PCDHGB1: variants seen among roughly 807,000 people sequenced by gnomAD.
The protein encoded by PCDHGB1 is protocadherin gamma subfamily B, 1.
In PCDHGB1, 34 loss-of-function variants were observed where a neutral mutation model predicts 56.6. The observed-to-expected ratio is 0.60, with a 90% CI of 0.46 to 0.80. The LOEUF (loss-of-function observed/expected upper bound fraction) is 0.80. Among genes scored for constraint, PCDHGB1 ranks in the 30% least tolerant of loss-of-function variants. The pLI, the probability that PCDHGB1 is intolerant of heterozygous loss-of-function variation, is 0.00. For missense variants in PCDHGB1, 1,278 were observed against 1,204.6 expected, an observed-to-expected ratio of 1.06 and a Z score of -0.90; for synonymous variants, 561 against 505.9, an observed-to-expected ratio of 1.11 and a Z score of -1.46.
At chr5:141,397,756 A>AT (rs1283531463) in intron 1 of PCDHGB1, among the ~76,000 whole-genome samples, 1 of 152,210 alleles carries the variant, frequency 6.6e-6, no homozygotes, top group Admixed American at 6.5e-5. Context: ...AGTTGTTATA[A>AT]TTTTTTATTA....
At chr5:141,474,557 G>T (rs1261720500) in intron 1 of PCDHGB1, among the ~76,000 whole-genome samples, 2 of 152,184 alleles carry the variant, frequency 1.3e-5, no homozygotes, top group Admixed American at 1.3e-4. Context: ...AAAACTGGGG[G>T]TTTTCAGAGA....
chr5:141,372,154 T>A, intron 1 of PCDHGB1: 1 of 1,613,784 alleles, frequency 6.2e-7, no homozygotes, highest in East Asian at 2.2e-5. Flanking sequence ...CCTGGCTACC[T>A]GGTGACCAAG....
chr5:141,497,413 T>C (rs572922456), intron 2 of PCDHGB1, among the ~76,000 whole-genome samples: 8 of 152,046 alleles, frequency 5.3e-5, no homozygotes, highest in Admixed American at 5.2e-4. Context: ...TCCCATTCCA[T>C]CAAATGAGAG....
chr5:141,394,640 C>T (rs1316258017), intron 1 of PCDHGB1: 2 of 1,613,310 alleles, frequency 1.2e-6, no homozygotes, highest in Non-Finnish European at 1.7e-6. Flanking sequence ...ACCGCCTGCT[C>T]AAGGCCAGCG....
chr5:141,393,453 G>A lies in PCDHGB1; in HGVS notation c.2409+40784G>A, dbSNP rs373805221. On this transcript the variant is annotated intron_variant, in intron 1 of 3. Coordinates refer to ENST00000523390, the MANE Select transcript of PCDHGB1 (RefSeq NM_018922.3). ...GGCTGCTCACCACCTGGTCCTCACGGCCTCGGATGGCGGCAAGCCGCCTCG... is the reference window on the plus strand; with the variant it reads ...GGCTGCTCACCACCTGGTCCTCACGACCTCGGATGGCGGCAAGCCGCCTCG... 113 of 1,613,920 alleles carry A rather than the reference G, an allele frequency of 7.0e-5. 1 individual carries two copies. The highest frequency in any genetic ancestry group is 8.9e-5 in the Non-Finnish European group (105 of 1,179,908).
At position 141,480,148 on chromosome 5, in the gene PCDHGB1, G is replaced by C. The variant is rs139861128; in HGVS notation, c.2410-14659G>C. On this transcript the variant is annotated intron_variant, in intron 1 of 3. Transcript: ENST00000523390. ...ATAACTGTTAAACAATTATTAGCCA[G>C]CTCCTAGCATTTTGGGAGGCTGAGG... 9.2e-4 allele frequency among the ~76,000 whole-genome samples: 140 copies of C among 152,036 alleles called. 1 individual carries two copies. The highest frequency in any genetic ancestry group is 3.1e-3 in the African/African-American group (127 of 41,470).
intron 1 of PCDHGB1, chr5:141,415,337 G>A: frequency 1.2e-6 from 2 of 1,614,210 alleles, no homozygotes; most frequent in Non-Finnish European, 1.7e-6. Flanking sequence ...CACAGGCTGC[G>A]GCGCTGGCAC....
chr5:141,458,054 T>G (rs2098935656), intron 1 of PCDHGB1, among the ~76,000 whole-genome samples: 1 of 152,252 alleles, frequency 6.6e-6, no homozygotes, highest in Admixed American at 6.5e-5. Context: ...GGATTCTTGC[T>G]GCACTGATGC....
chr5:141,487,459 T>A lies in PCDHGB1; in HGVS notation c.2410-7348T>A. The A allele has an allele frequency of 1.2e-6, 2 of 1,614,102 alleles. No homozygotes were observed. Among genetic ancestry groups the A allele is most frequent in the Non-Finnish European group, 1.7e-6 (2 of 1,180,008 alleles). On this transcript the variant is annotated intron_variant, in intron 1 of 3. Transcript: ENST00000523390. The surrounding 1 kb of genome is among the most constrained non-coding windows in gnomAD (Gnocchi z 5.0). ...TAGGGTCAGATGACCCTATCAAGTT[T>A]GTTGATGTGGGAGGCCACTCTCATG...
intron 1 of PCDHGB1, chr5:141,374,330 A>T: frequency 6.2e-7 from 1 of 1,613,990 alleles, no homozygotes; most frequent in Non-Finnish European, 8.5e-7. Flanking sequence ...GCGAAACGGC[A>T]GCTTGGTCAC....
intron 1 of PCDHGB1, among the ~76,000 whole-genome samples, chr5:141,451,985 A>G (rs1460304088): frequency 6.6e-6 from 1 of 152,202 alleles, no homozygotes; most frequent in Non-Finnish European, 1.5e-5. Context: ...TAGTTTGTTC[A>G]TTAGAAGCAA....
rs780436102 is a variant in PCDHGB1 at position 141,431,846 on chromosome 5, G to T, written c.2410-62961G>T. On this transcript the variant is annotated intron_variant, in intron 1 of 3. Coordinates refer to ENST00000523390, the MANE Select transcript of PCDHGB1 (RefSeq NM_018922.3). The surrounding 1 kb of genome is among the most constrained non-coding windows in gnomAD (Gnocchi z 4.8). ...CTCGGTTCCCGAAAACTCTCCCAGA[G>T]GGACATTAATTGCCCTTTTAAATGT... 4 of 1,614,274 alleles carry T rather than the reference G, an allele frequency of 2.5e-6. No homozygotes were observed. The South Asian group carries it at 4.4e-5, about 18-fold the overall frequency.
chr5:141,392,661 A>T, intron 1 of PCDHGB1: 1 of 803,300 alleles, frequency 1.2e-6, no homozygotes, highest in Non-Finnish European at 1.9e-6. Context: ...CAGATGCCAC[A>T]AACTAACTGC....
chr5:141,380,372 C>G (rs73265858), intron 1 of PCDHGB1, among the ~76,000 whole-genome samples: 1 of 151,948 alleles, frequency 6.6e-6, no homozygotes, highest in African/African-American at 2.4e-5. Context: ...AAAAAAAAGT[C>G]CCAAAAAAGA....
chr5:141,361,971 C>G (rs766740783), intron 1 of PCDHGB1: 1 of 1,601,080 alleles, frequency 6.2e-7, no homozygotes, highest in South Asian at 1.1e-5. Context: ...TGCAGGCCAG[C>G]GAGCCCGGGC....
Position 141,485,057 on chromosome 5 carries a change from C to T in PCDHGB1, c.2410-9750C>T. 1 of 843,720 alleles carries T rather than the reference C, an allele frequency of 1.2e-6. No individual in the cohort carries two copies. The highest frequency in any genetic ancestry group is 1.9e-6 in the Non-Finnish European group (1 of 524,586). 52.3% of individuals were successfully genotyped at this position (843,720 alleles called of 1,614,324 possible). On this transcript the variant is annotated intron_variant, in intron 1 of 3. Transcript: ENST00000523390. This position sits in a 1 kb window ranked among gnomAD's most constrained non-coding sequence, Gnocchi z 5.7. The stretch of plus-strand genomic sequence containing the variant: ...GTAACCCTTGCGGCGCCGGCCGAAC[C>T]GCGCCAGAGCTGGCGCGGGGAAAGG...
chr5:141,355,124 A>G (rs1460903356), intron 1 of PCDHGB1: 1 of 1,516,442 alleles, frequency 6.6e-7, no homozygotes, highest in East Asian at 2.3e-5. Context: ...TTTATTTTGG[A>G]CCCAGAAGAT....
chr5:141,497,596 G>C (rs920597006), intron 2 of PCDHGB1, among the ~76,000 whole-genome samples: 1 of 149,648 alleles, frequency 6.7e-6, no homozygotes, highest in Admixed American at 6.7e-5. Context: ...CTGGAGTGCA[G>C]TGGTGCGATC....
At chr5:141,370,485 G>A (rs905115445) in intron 1 of PCDHGB1, 1 of 1,613,916 alleles carries the variant, frequency 6.2e-7, no homozygotes. Context: ...GGCTCTCTCC[G>A]AACCGATCCG....
Sources: gnomAD v4.1 joint callset for allele counts (sites outside exome capture counted in the v4.1 genomes callset) on GRCh38, gnomAD v4.1.1 for gene constraint, Gnocchi (gnomAD v3.1) non-coding constraint, MANE v1.5 for transcripts, NCBI Gene and HGNC (gene_info 2026-07-23, HGNC 2026-07-21) for gene names.